The following EPPK1 variants were observed in gnomAD, a reference collection of about 807,000 sequenced individuals.
The protein encoded by EPPK1 is epiplakin 1, also known as epiplakin.
For synonymous variants in EPPK1, 1,862 were observed against 1,721.2 expected, an observed-to-expected ratio of 1.08 and a Z score of -2.03; for missense variants, 3,823 against 3,673.3, an observed-to-expected ratio of 1.04 and a Z score of -1.05.
chr8:143,875,288 C>A (rs1227162721), intron 1 of EPPK1, among the ~76,000 whole-genome samples: 6 of 152,196 alleles, frequency 3.9e-5, no homozygotes, highest in African/African-American at 1.4e-4. Flanking sequence ...CGTAGATGCC[C>A]CTCAGGACCA....
chr8:143,866,252 G>A lies in EPPK1; in HGVS notation c.7002C>T (p.His2334=), dbSNP rs1165982892. Residue 2334 remains histidine, a synonymous_variant, in exon 2 of 2, where the codon CAC becomes CAT. Coordinates refer to ENST00000615648, the MANE Select transcript of EPPK1 (RefSeq NM_031308.4). ...TCTGGGCCTCCAGCAGGCGGATGCC[G>A]TGCTCCCGGACGATGAGGTCCTTCT... ...AMQKDLIVRE[H]GIRLLEAQIA... is the part of the protein sequence containing the mutation. 277 of 474,480 alleles carry A rather than the reference G, an allele frequency of 5.8e-4. 2 individuals are homozygous for A. The East Asian group carries it at 8.4e-3, about 14-fold the overall frequency. 29.4% of individuals were successfully genotyped at this position (474,480 alleles called of 1,614,324 possible).
In EPPK1 at chr8:143,868,471, T is replaced by A. The variant is rs1554659952; in HGVS notation, c.4783A>T (p.Ile1595Phe). Reference sequence around the variant, plus strand: ...ACCAGGGCTGTGCCAGGCCGCAGGATGTGCCTCCTCAGGGCCTCTGGGATG... The same window carrying A: ...ACCAGGGCTGTGCCAGGCCGCAGGAAGTGCCTCCTCAGGGCCTCTGGGATG... The part of the protein sequence containing the change: ...MSIPEALRRH[I>F]LRPGTALVLL... The change falls in exon 2 of 2, where the codon ATC becomes TTC. Residue 1595 changes from isoleucine to phenylalanine, a missense_variant. Physicochemically the swap from Ile to Phe is conservative, Grantham distance 21 (BLOSUM62 0). Transcript: ENST00000615648. 1.2e-6 allele frequency: 2 copies of A among 1,612,350 alleles called. No homozygotes were observed. Among genetic ancestry groups the A allele is most frequent in the Admixed American group, 3.3e-5 (2 of 59,962 alleles).
chr8:143,874,180 C>T (rs1053927939), intron 1 of EPPK1, among the ~76,000 whole-genome samples: 100 of 152,220 alleles, frequency 6.6e-4, no homozygotes, highest in African/African-American at 2.3e-3. Context: ...GCGCCAACCC[C>T]TTCCACACAC....
rs1554659399 is a variant in EPPK1, at chr8:143,867,258, TC to T, written c.5995del (p.Glu1999ArgfsTer6). ...LFQAMQKQLI[E>X]KAEALRLLEV... Reference sequence around the variant, plus strand: ...CAGCAGCCTCAGTGCCTCCGCCTTCTCGATGAGCTGCTTCTGCATGGCCTGG... The same window carrying T: ...CAGCAGCCTCAGTGCCTCCGCCTTCTGATGAGCTGCTTCTGCATGGCCTGG... On this transcript the variant is annotated frameshift_variant, in exon 2 of 2. Transcript: ENST00000615648. LOFTEE classifies it low-confidence loss of function (END_TRUNC). The T allele has an allele frequency of 6.2e-7, 1 of 1,612,408 alleles. No individual in the cohort carries two copies. Among genetic ancestry groups the T allele is most frequent in the African/African-American group, 1.3e-5 (1 of 74,894 alleles).
chr8:143,869,890 G>A lies in EPPK1; in HGVS notation c.3364C>T (p.Leu1122Phe), dbSNP rs1341716760. 4.4e-6 allele frequency: 7 copies of A among 1,607,504 alleles called. No homozygotes were observed. The highest frequency in any genetic ancestry group is 2.7e-5 in the African/African-American group (2 of 74,846). The change falls in exon 2 of 2, where the codon CTC becomes TTC. Residue 1122 changes from leucine (L) to phenylalanine (F), a missense_variant. Physicochemically the swap from Leu to Phe is conservative, Grantham distance 22 (BLOSUM62 0). Transcript: ENST00000615648. ...LLPLPESAPALPTEEQVQRSL... is the reference protein window; with the variant it reads ...LLPLPESAPAFPTEEQVQRSL... ...CTCTGGACCTGCTCCTCGGTGGGGAGGGCAGGAGCACTTTCTGGCAGGGGC... is the reference window on the plus strand; with the variant it reads ...CTCTGGACCTGCTCCTCGGTGGGGAAGGCAGGAGCACTTTCTGGCAGGGGC...
intron 1 of EPPK1, among the ~76,000 whole-genome samples, chr8:143,877,643 T>C (rs1006763975): frequency 3.3e-5 from 5 of 152,082 alleles, no homozygotes; most frequent in African/African-American, 4.8e-5. Context: ...GCCGCCTGCC[T>C]GAGTCAGGTC....
In EPPK1 at chr8:143,873,197, C is replaced by T; in HGVS notation, c.57G>A (p.Gln19=). The T allele has an allele frequency of 6.3e-6, 10 of 1,589,678 alleles. No homozygotes were observed. The highest frequency in any genetic ancestry group is 1.4e-5 in the African/African-American group (1 of 74,058). The change falls in exon 2 of 2, where the codon CAG becomes CAA. Residue 19 remains glutamine (Q), a synonymous_variant. Coordinates refer to ENST00000615648, the MANE Select transcript of EPPK1 (RefSeq NM_031308.4). ...LPVPGTNSTE[Q]ASVPRAMAAT... ...CTGCCATGGCTCTGGGTACACTGGC[C>T]TGCTCTGTGCTGTTGGTGCCTGGGA...
In EPPK1 at chr8:143,871,667, C is replaced by T; in HGVS notation, c.1587G>A (p.Gln529=). The T allele has an allele frequency of 1.2e-6, 2 of 1,602,680 alleles. No homozygotes were observed. Among genetic ancestry groups the T allele is most frequent in the South Asian group, 1.1e-5 (1 of 89,714 alleles). Residue 529 remains glutamine (Q), a synonymous_variant, in exon 2 of 2, where the codon CAG becomes CAA. Transcript: ENST00000615648. ...ISSEQRAMLA[Q]QYQEGTLSVE... ...CGGAGAGGGTCCCTTCCTGGTACTG[C>T]TGGGCCAGCATCGCCCTCTGCTCTG... is the stretch of plus-strand genomic sequence containing the variant.
rs782238937 is a variant in EPPK1, at chr8:143,869,783, T to C, written c.3471A>G (p.Gln1157=). 2 of 1,605,546 alleles carry C rather than the reference T, an allele frequency of 1.2e-6. No individual in the cohort carries two copies. The highest frequency in any genetic ancestry group is 1.7e-4 in the Middle Eastern group (1 of 6,050). The change falls in exon 2 of 2, where the codon CAA becomes CAG. Residue 1157 remains glutamine, a synonymous_variant. Coordinates refer to ENST00000615648, the MANE Select transcript of EPPK1 (RefSeq NM_031308.4). The stretch of plus-strand genomic sequence containing the variant: ...GCACGTCCTCCAGCAGGCCCCTCCG[T>C]TGCTCCTCGGTGAAGTGGCAGGAGC... ...LLSSCHFTEE[Q]RRGLLEDVQE... is the part of the protein sequence containing the mutation.
chr8:143,857,961 C>G lies in EPPK1; in HGVS notation c.*26G>C. The G allele has an allele frequency of 7.0e-7, 1 of 1,430,322 alleles. No homozygotes were observed. The highest frequency in any genetic ancestry group is 9.5e-7 in the Non-Finnish European group (1 of 1,057,370). 88.6% of individuals were successfully genotyped at this position (1,430,322 alleles called of 1,614,324 possible). A position where few individuals can be genotyped will look rare whatever the true frequency, so the allele number is the denominator to read the frequency against. On this transcript the variant is annotated 3_prime_UTR_variant, in exon 2 of 2. Coordinates refer to ENST00000615648, the MANE Select transcript of EPPK1 (RefSeq NM_031308.4). The stretch of plus-strand genomic sequence containing the variant: ...GTATGCCTCCACTTCTCCAGAGTTG[C>G]AGAAAACTGCACGGAGGAAGCCCAG...
chr8:143,857,896 CAAAAAA>C lies in EPPK1; in HGVS notation c.*85_*90del, dbSNP rs35186960. On this transcript the variant is annotated 3_prime_UTR_variant, in exon 2 of 2. Transcript: ENST00000615648. ...GTAAAACAACAAAATTAAAGAATGA[CAAAAAA>C]AAAAAAAAAAAAAAAAACAACCCAG... 9.1e-5 allele frequency: 40 copies of C among 437,698 alleles called. No individual in the cohort carries two copies. The highest frequency in any genetic ancestry group is 1.4e-4 in the African/African-American group (4 of 29,390). 27.1% of individuals were successfully genotyped at this position (437,698 alleles called of 1,614,324 possible).
In EPPK1 at chr8:143,870,045, T is replaced by G; in HGVS notation, c.3209A>C (p.Asp1070Ala). Reference sequence around the variant, plus strand: ...GGACAAGGCTGTCTCCATCTCCTGGTCAACATAGCCACGCTGAATGGCCAC... The same window carrying G: ...GGACAAGGCTGTCTCCATCTCCTGGGCAACATAGCCACGCTGAATGGCCAC... ...MPVAIQRGYV[D>A]QEMETALSSS... The change falls in exon 2 of 2, where the codon GAC becomes GCC. Residue 1070 changes from aspartate (D) to alanine (A), a missense_variant. By Grantham distance (126) the Asp-to-Ala change is moderately radical (BLOSUM62 -2). Coordinates refer to ENST00000615648, the MANE Select transcript of EPPK1 (RefSeq NM_031308.4). The surrounding 1 kb of genome is among the most constrained non-coding windows in gnomAD (Gnocchi z 5.2). The G allele has an allele frequency of 6.2e-7, 1 of 1,610,938 alleles. No individual in the cohort carries two copies. Among genetic ancestry groups the G allele is most frequent in the South Asian group, 1.1e-5 (1 of 90,668 alleles).
rs1554659672 is a variant in EPPK1 at position 143,867,924 on chromosome 8, A to G, written c.5330T>C (p.Leu1777Ser). ...GCGCATTTTTGCAGTTCTGGATTGC[A>G]ACACGTGTCTCGTGGCCTCATTGAT... is the stretch of plus-strand genomic sequence containing the variant. ...VYINEATRHV[L>S]QSRTAKMRVG... The change falls in exon 2 of 2, where the codon TTG (leucine) becomes TCG (serine). Residue 1777 changes from leucine (L) to serine (S), a missense_variant. Coordinates refer to ENST00000615648, the MANE Select transcript of EPPK1 (RefSeq NM_031308.4). 6.2e-7 allele frequency: 1 copy of G among 1,613,572 alleles called. No homozygotes were observed. The highest frequency in any genetic ancestry group is 8.5e-7 in the Non-Finnish European group (1 of 1,179,836).
chr8:143,869,841 G>GC lies in EPPK1; in HGVS notation c.3412dup (p.Ala1138GlyfsTer65), dbSNP rs1819277333. 1 of 1,599,124 alleles carries GC rather than the reference G, an allele frequency of 6.3e-7. No individual in the cohort carries two copies. The highest frequency in any genetic ancestry group is 1.1e-5 in the South Asian group (1 of 88,708). ...GTCCCAGAGGGATGTGCCATCCTTG[G>GC]CCCCCGGCACGGCCTGCAGGCTCCT... On this transcript the variant is annotated frameshift_variant, in exon 2 of 2. Transcript: ENST00000615648. LOFTEE classifies it low-confidence loss of function (END_TRUNC).
Position 143,866,677 on chromosome 8 carries a change from T to C in EPPK1, c.6577A>G (p.Thr2193Ala). The C allele has an allele frequency of 1.9e-6, 3 of 1,613,226 alleles. No homozygotes were observed. The highest frequency in any genetic ancestry group is 2.5e-6 in the Non-Finnish European group (3 of 1,179,870). The change falls in exon 2 of 2, where the codon ACG becomes GCG. Residue 2193 changes from threonine (T) to alanine (A), a missense_variant. Thr to Ala is a moderately conservative substitution (Grantham distance 58). Coordinates refer to ENST00000615648, the MANE Select transcript of EPPK1 (RefSeq NM_031308.4). ...ASELLSSAIITEEMLQDLETG... is the reference protein window; with the variant it reads ...ASELLSSAIIAEEMLQDLETG... ...TCCAGGTCCTGGAGCATTTCCTCCG[T>C]GATTATGGCTGAGCTGAGGAGTTCA...
At position 143,871,838 on chromosome 8, in the gene EPPK1, G is replaced by A; in HGVS notation, c.1416C>T (p.Pro472=). 1 of 1,612,376 alleles carries A rather than the reference G, an allele frequency of 6.2e-7. No individual in the cohort carries two copies. Residue 472 remains proline, a synonymous_variant, in exon 2 of 2, where the codon CCC becomes CCT. Coordinates refer to ENST00000615648, the MANE Select transcript of EPPK1 (RefSeq NM_031308.4). ...GGGGTCCCTGGGGCTCCCCTCCCCG[G>A]GGTCCCCCTGAGAGTGGCAGGAAGG... The part of the protein sequence containing the change: ...GLAFLPLSGG[P]RGGEPQGPPF...
chr8:143,867,967 C>T lies in EPPK1; in HGVS notation c.5287G>A (p.Gly1763Arg). The change falls in exon 2 of 2, where the codon GGA becomes AGA. Residue 1763 changes from glycine (G) to arginine (R), a missense_variant. Gly to Arg is a moderately radical substitution (Grantham distance 125). Transcript: ENST00000615648. ...GLYLLQIIKK[G>R]ENYVYINEAT... ...TCATTGATGTACACGTAGTTTTCTCCTTTCTTTATGATTTGTAGCAGGTAC... is the reference window on the plus strand; with the variant it reads ...TCATTGATGTACACGTAGTTTTCTCTTTTCTTTATGATTTGTAGCAGGTAC... 1.9e-6 allele frequency: 3 copies of T among 1,609,850 alleles called. No homozygotes were observed. The highest frequency in any genetic ancestry group is 1.6e-4 in the Middle Eastern group (1 of 6,062).
At position 143,866,977 on chromosome 8, in the gene EPPK1, C is replaced by T. The variant is rs782613008; in HGVS notation, c.6277G>A (p.Glu2093Lys). ...CTTCTCGTCTCGTCATCGATGTGCT[C>T]GGAGTCCCGTGCAGCCTTGTTCACT... ...FPVNKAARDS[E>K]HIDDETRRAL... The change falls in exon 2 of 2, where the codon GAG (glutamate) becomes AAG (lysine). Residue 2093 changes from glutamate to lysine, a missense_variant. By Grantham distance (56) the Glu-to-Lys change is moderately conservative. Coordinates refer to ENST00000615648, the MANE Select transcript of EPPK1 (RefSeq NM_031308.4). 2.7e-5 allele frequency: 44 copies of T among 1,612,840 alleles called. No homozygotes were observed. The highest frequency in any genetic ancestry group is 1.6e-4 in the Middle Eastern group (1 of 6,062).
Position 143,869,411 on chromosome 8 carries a change from T to C in EPPK1, c.3843A>G (p.Glu1281=), listed in dbSNP as rs952067862. 1.2e-6 allele frequency: 2 copies of C among 1,605,460 alleles called. No individual in the cohort carries two copies. Among genetic ancestry groups the C allele is most frequent in the African/African-American group, 2.7e-5 (2 of 74,854 alleles). The change falls in exon 2 of 2, where the codon GAA becomes GAG. Residue 1281 remains glutamate (E), a synonymous_variant. Coordinates refer to ENST00000615648, the MANE Select transcript of EPPK1 (RefSeq NM_031308.4). ...LPTGLGQRLL[E]AQVASGFLVD... ...CAAGGAAGCCAGATGCCACCTGGGCTTCCAGCAGCCTCTGGCCCAGGCCTG... is the reference window on the plus strand; with the variant it reads ...CAAGGAAGCCAGATGCCACCTGGGCCTCCAGCAGCCTCTGGCCCAGGCCTG...
Sources: allele counts gnomAD v4.1 joint callset (sites outside exome capture counted in the v4.1 genomes callset), GRCh38; gene constraint gnomAD v4.1.1; non-coding constraint Gnocchi (gnomAD v3.1); transcripts MANE v1.5; gene names NCBI Gene and HGNC (gene_info 2026-07-23, HGNC 2026-07-21).